The following B3GLCT variants were observed in gnomAD, a reference collection of about 807,000 sequenced individuals.
B3GLCT encodes beta 3-glucosyltransferase.
Under a neutral mutation model 63.4 loss-of-function variants are expected in B3GLCT, and 65 were observed. That is an observed-to-expected ratio of 1.03 (90% CI 0.84 to 1.26). The LOEUF is 1.26. Among genes scored for constraint, B3GLCT ranks in the 50% most tolerant of loss-of-function variants. The pLI is 0.00. For missense variants in B3GLCT, 577 were observed against 604.8 expected, an observed-to-expected ratio of 0.95 and a Z score of 0.48; for synonymous variants, 233 against 219.2, an observed-to-expected ratio of 1.06 and a Z score of -0.55.
chr13:31,208,754 C>T (rs1209608781), intron 1 of B3GLCT, among the ~76,000 whole-genome samples: 2 of 151,990 alleles, frequency 1.3e-5, no homozygotes, highest in Non-Finnish European at 2.9e-5. Flanking sequence ...CTCCAGAAAG[C>T]TGTCTTGGGC....
In B3GLCT at chr13:31,201,603, A is replaced by G. The variant is rs571911076; in HGVS notation, c.70+1449A>G. 2.6e-5 allele frequency among the ~76,000 whole-genome samples: 4 copies of G among 152,332 alleles called. No individual in the cohort carries two copies. In the South Asian group the frequency reaches 8.3e-4, roughly 32 times the overall value. Reference sequence around the variant, plus strand: ...TGGCTTGTTGCCTGGATGTTTTGCAACTAACCAAATGGGTGGGTGGTAGCT... The same window carrying G: ...TGGCTTGTTGCCTGGATGTTTTGCAGCTAACCAAATGGGTGGGTGGTAGCT... On this transcript the variant is annotated intron_variant, in intron 1 of 14. Coordinates refer to ENST00000343307, the MANE Select transcript of B3GLCT (RefSeq NM_194318.4).
At chr13:31,247,993 T>G (rs755513848) in intron 6 of B3GLCT, 27 bp downstream of exon 6, 6 of 1,216,166 alleles carry the variant, frequency 4.9e-6, no homozygotes, top group Non-Finnish European at 6.1e-6. Context: ...TACCAGTTCT[T>G]ATTTTGGGGG....
intron 8 of B3GLCT, among the ~76,000 whole-genome samples, chr13:31,273,241 C>T (rs189899458): frequency 9.9e-4 from 150 of 152,184 alleles, no homozygotes; most frequent in African/African-American, 2.9e-3. Flanking sequence ...ACTACAGGCG[C>T]GTGCCACCAC....
intron 6 of B3GLCT, among the ~76,000 whole-genome samples, chr13:31,249,580 A>G (rs1871334921): frequency 6.6e-6 from 1 of 152,178 alleles, no homozygotes; most frequent in South Asian, 2.1e-4. Context: ...CTAATTCTGT[A>G]CAGGAGATGG....
intron 6 of B3GLCT, among the ~76,000 whole-genome samples, chr13:31,252,632 T>C (rs915989488): frequency 1.3e-5 from 2 of 152,160 alleles, no homozygotes; most frequent in Non-Finnish European, 2.9e-5. Context: ...GGGCATTGCA[T>C]AATGGTAAAG....
At chr13:31,233,008 C>T (rs1364361771) in intron 4 of B3GLCT, among the ~76,000 whole-genome samples, 1 of 152,242 alleles carries the variant, frequency 6.6e-6, no homozygotes, top group East Asian at 1.9e-4. Context: ...TGCATGCACA[C>T]ACATGCTGTA....
intron 6 of B3GLCT, among the ~76,000 whole-genome samples, chr13:31,249,116 G>A (rs976376040): frequency 4.6e-5 from 7 of 152,166 alleles, no homozygotes; most frequent in African/African-American, 1.2e-4. Context: ...GGAATAAAAG[G>A]CAAGCTTCTG....
intron 1 of B3GLCT, among the ~76,000 whole-genome samples, chr13:31,202,107 C>T (rs1049560173): frequency 1.3e-4 from 20 of 152,188 alleles, no homozygotes; most frequent in African/African-American, 3.1e-4. Flanking sequence ...ATGTGACAGG[C>T]GTTCTGTCAC....
chr13:31,234,094 T>A (rs1354825940), intron 4 of B3GLCT, among the ~76,000 whole-genome samples: 2 of 151,914 alleles, frequency 1.3e-5, no homozygotes, highest in African/African-American at 2.4e-5. Context: ...CTCAGCTCAC[T>A]GCAAGCTCCG....
At chr13:31,229,483 C>G (rs867479949) in intron 4 of B3GLCT, among the ~76,000 whole-genome samples, 189 bp downstream of exon 4, 1 of 152,166 alleles carries the variant, frequency 6.6e-6, no homozygotes, top group Non-Finnish European at 1.5e-5. Flanking sequence ...TGGTGGCTCA[C>G]GCCTGTAATC....
At chr13:31,248,104 CTG>C in intron 6 of B3GLCT, 138 bp downstream of exon 6, 2 of 623,260 alleles carry the variant, frequency 3.2e-6, no homozygotes, top group East Asian at 3.0e-5. Context: ...TGTTGAATAT[CTG>C]AGATATGTTA....
At position 31,269,647 on chromosome 13, in the gene B3GLCT, C is replaced by G. The variant is rs574283895; in HGVS notation, c.660+370C>G. 8.0e-5 allele frequency among the ~76,000 whole-genome samples: 12 copies of G among 150,078 alleles called. No individual in the cohort carries two copies. The East Asian group carries it at 2.0e-3, about 25-fold the overall frequency. ...AGATTGAATGATCATGTCCCCGCCC[C>G]CCTAATTCATACCTTGAAACCTGAG... On this transcript the variant is annotated intron_variant, in intron 8 of 14. Transcript: ENST00000343307.
At chr13:31,256,163 CA>C (rs1276101385) in intron 6 of B3GLCT, among the ~76,000 whole-genome samples, 1 of 151,842 alleles carries the variant, frequency 6.6e-6, no homozygotes, top group Non-Finnish European at 1.5e-5. Flanking sequence ...TTTATGCAGC[CA>C]AAAACATATG....
intron 7 of B3GLCT, among the ~76,000 whole-genome samples, chr13:31,262,279 T>C (rs1872071991): frequency 6.6e-6 from 1 of 152,248 alleles, no homozygotes; most frequent in Non-Finnish European, 1.5e-5. Flanking sequence ...TAAATGTACG[T>C]TATGCTTTAA....
Position 31,297,059 on chromosome 13 carries a change from G to A in B3GLCT, c.1064+10240G>A, listed in dbSNP as rs182329233. The stretch of plus-strand genomic sequence containing the variant: ...TTTTGTGACTTGCTTATTTTACTTA[G>A]CATAATGTCTTCGAAATTTATCCGT... On this transcript the variant is annotated intron_variant, in intron 12 of 14. Transcript: ENST00000343307. 5.3e-5 allele frequency among the ~76,000 whole-genome samples: 8 copies of A among 150,090 alleles called. No homozygotes were observed. In the East Asian group the frequency reaches 1.6e-3, roughly 29 times the overall value.
At chr13:31,227,471 C>T (rs760999495) in intron 3 of B3GLCT, among the ~76,000 whole-genome samples, 11 of 152,166 alleles carry the variant, frequency 7.2e-5, no homozygotes, top group Non-Finnish European at 1.6e-4. Flanking sequence ...AAACTGAAGA[C>T]ACCCATTTAA....
chr13:31,267,006 G>T (rs1872356915), intron 7 of B3GLCT, among the ~76,000 whole-genome samples: 1 of 152,020 alleles, frequency 6.6e-6, no homozygotes, highest in African/African-American at 2.4e-5. Context: ...CCTGACCTCA[G>T]ATGATCCCCA....
chr13:31,201,212 T>C (rs983895029), intron 1 of B3GLCT, among the ~76,000 whole-genome samples: 7 of 152,206 alleles, frequency 4.6e-5, no homozygotes, highest in African/African-American at 1.7e-4. Context: ...GACGTAGCGT[T>C]ATTGCGCACT....
At chr13:31,322,120 A>G (rs935709333) in intron 13 of B3GLCT, among the ~76,000 whole-genome samples, 43 of 152,258 alleles carry the variant, frequency 2.8e-4, no homozygotes, top group African/African-American at 1.0e-3. Context: ...ACTTATTTAC[A>G]TATGTGCATT....
Sources: gnomAD v4.1 joint callset for allele counts (sites outside exome capture counted in the v4.1 genomes callset) on GRCh38, gnomAD v4.1.1 for gene constraint, MANE v1.5 for transcripts, NCBI Gene and HGNC (gene_info 2026-07-23, HGNC 2026-07-21) for gene names.